Variants in TOMM6 observed in about 807,000 individuals in gnomAD.
The protein encoded by TOMM6 is mitochondrial import receptor subunit TOM6 homolog.
TOMM6 carries 6 observed loss-of-function variants against 6.0 expected under a neutral mutation model. That is an observed-to-expected ratio of 1.00 (90% CI 0.55 to 1.98). The LOEUF (loss-of-function observed/expected upper bound fraction) is 1.98. TOMM6 is among the 30% of genes most tolerant of loss of function. TOMM6 has a pLI of 0.00. For synonymous variants in TOMM6, 44 were observed against 36.3 expected (o/e 1.21, Z -0.76); for missense variants, 104 against 95.3 (o/e 1.09, Z -0.38).
rs998495229 is a variant in TOMM6, at chr6:41,789,194, A to G, written c.129-38A>G. 12 of 1,527,324 alleles carry G rather than the reference A, an allele frequency of 7.9e-6. No homozygotes were observed. The Admixed American group carries it at 2.4e-4, about 30-fold the overall frequency. The allele number at this position is 1,527,324 out of a possible 1,614,324, so 94.6% of individuals were successfully genotyped here. Reference sequence around the variant, plus strand: ...ATTTCGTTAACTGTACAACTGACTCAGTGACCACAGGGTTAATAAAACACA... The same window carrying G: ...ATTTCGTTAACTGTACAACTGACTCGGTGACCACAGGGTTAATAAAACACA... On this transcript the variant is annotated intron_variant, in intron 1 of 2. Coordinates refer to ENST00000398881, the MANE Select transcript of TOMM6 (RefSeq NM_001382294.1).
At chr6:41,787,846 T>C (rs1772704549) in intron 1 of TOMM6, 21 bp downstream of exon 1, 1 of 1,551,436 alleles carries the variant, frequency 6.4e-7, no homozygotes, top group Non-Finnish European at 8.7e-7. Flanking sequence ...CCGAGGAACT[T>C]GGTCCTTTTC....
At chr6:41,789,141 T>A (rs1772746415) in intron 1 of TOMM6, 91 bp from the exon 2 acceptor site, 1 of 1,169,560 alleles carries the variant, frequency 8.6e-7, no homozygotes, top group Non-Finnish European at 1.2e-6. Context: ...CTCGGGAAGG[T>A]GGTGATGGAA....
chr6:41,788,193 G>A (rs1300906400), intron 1 of TOMM6, among the ~76,000 whole-genome samples: 2 of 143,636 alleles, frequency 1.4e-5, no homozygotes, highest in Non-Finnish European at 3.0e-5. Flanking sequence ...TGCCCAGGCT[G>A]GAGTGCAGTG....
Position 41,789,752 on chromosome 6 carries a change from G to A in TOMM6, c.*193G>A. 1 of 195,742 alleles carries A rather than the reference G, an allele frequency of 5.1e-6. No homozygotes were observed. Among genetic ancestry groups the A allele is most frequent in the East Asian group, 1.2e-4 (1 of 8,606 alleles). 12.1% of individuals were successfully genotyped at this position (195,742 alleles called of 1,614,324 possible). ...AATTCCATTCTCTGGTCAGCAGACA[G>A]GCTTAAGCTAAAGTATTGCCTCTAT... is the stretch of plus-strand genomic sequence containing the variant. On this transcript the variant is annotated 3_prime_UTR_variant, in exon 3 of 3. Coordinates refer to ENST00000398881, the MANE Select transcript of TOMM6 (RefSeq NM_001382294.1).
At chr6:41,789,407 A>G in intron 2 of TOMM6, 71 bp downstream of exon 2, 1 of 1,107,588 alleles carries the variant, frequency 9.0e-7, no homozygotes, top group African/African-American at 1.6e-5. Flanking sequence ...TTTTCTGTCA[A>G]GTATTCATGA....
chr6:41,787,906 G>T, intron 1 of TOMM6, 81 bp downstream of exon 1: 1 of 1,511,664 alleles, frequency 6.6e-7, no homozygotes, highest in Non-Finnish European at 8.9e-7. Context: ...GCGCCTCAGG[G>T]TTTTTTGTTT....
At position 41,789,357 on chromosome 6, in the gene TOMM6, A is replaced by G. The variant is rs1272787533; in HGVS notation, c.*8+21A>G. On this transcript the variant is annotated intron_variant, in intron 2 of 2. Coordinates refer to ENST00000398881, the MANE Select transcript of TOMM6 (RefSeq NM_001382294.1). The stretch of plus-strand genomic sequence containing the variant: ...AGTAGGTAAGCACTGAACTACACCC[A>G]TGCGTGTCTTAGGAGACCTAGAGAC... 3.3e-6 allele frequency: 5 copies of G among 1,513,996 alleles called. No individual in the cohort carries two copies. In the East Asian group the frequency reaches 7.4e-5, roughly 22 times the overall value. The allele number at this position is 1,513,996 out of a possible 1,614,324, so 93.8% of individuals were successfully genotyped here.
In TOMM6 at chr6:41,787,718, G is replaced by T. The variant is rs1772698343; in HGVS notation, c.21G>T (p.Pro7=). Residue 7 remains proline, a synonymous_variant, in exon 1 of 3, where the codon CCG becomes CCT. Transcript: ENST00000398881. MASSTV[P]VSAAGSANET... ...CCACTATGGCTTCCAGCACTGTCCC[G>T]GTGAGCGCTGCTGGCTCGGCTAATG... The T allele has an allele frequency of 6.4e-7, 1 of 1,551,584 alleles. No individual in the cohort carries two copies. The highest frequency in any genetic ancestry group is 8.7e-7 in the Non-Finnish European group (1 of 1,146,996).
chr6:41,789,047 C>T (rs1772744184), intron 1 of TOMM6, among the ~76,000 whole-genome samples, 185 bp from the exon 2 acceptor site: 2 of 152,186 alleles, frequency 1.3e-5, no homozygotes, highest in South Asian at 4.1e-4. Flanking sequence ...CCCAGCCTGA[C>T]CTTACACTTA....
chr6:41,789,351 A>G lies in TOMM6; in HGVS notation c.*8+15A>G. On this transcript the variant is annotated intron_variant, in intron 2 of 2. Coordinates refer to ENST00000398881, the MANE Select transcript of TOMM6 (RefSeq NM_001382294.1). ...TAGCCAAGTAGGTAAGCACTGAACTACACCCATGCGTGTCTTAGGAGACCT... is the reference window on the plus strand; with the variant it reads ...TAGCCAAGTAGGTAAGCACTGAACTGCACCCATGCGTGTCTTAGGAGACCT... 6.5e-7 allele frequency: 1 copy of G among 1,533,038 alleles called. No homozygotes were observed. Among genetic ancestry groups the G allele is most frequent in the Non-Finnish European group, 8.9e-7 (1 of 1,129,858 alleles). The allele number at this position is 1,533,038 out of a possible 1,614,324, so 95.0% of individuals were successfully genotyped here. A position where few individuals can be genotyped will look rare whatever the true frequency, so the allele number is the denominator to read the frequency against.
chr6:41,787,762 A>G lies in TOMM6; in HGVS notation c.65A>G (p.Asp22Gly). 1 of 1,551,706 alleles carries G rather than the reference A, an allele frequency of 6.4e-7. No individual in the cohort carries two copies. The highest frequency in any genetic ancestry group is 8.7e-7 in the Non-Finnish European group (1 of 1,146,996). Residue 22 changes from aspartate to glycine, a missense_variant, in exon 1 of 3, where the codon GAC becomes GGC. Physicochemically the swap from Asp to Gly is moderately conservative, Grantham distance 94. Transcript: ENST00000398881. ...GCTAATGAAACTCCCGAAATACCGG[A>G]CAACGTGGGAGATTGGCTTCGGGGC... Reference protein sequence around the residue: ...GSANETPEIPDNVGDWLRGVY... With the variant: ...GSANETPEIPGNVGDWLRGVY...
Position 41,789,321 on chromosome 6 carries a change from G to A in TOMM6, c.218G>A (p.Gly73Glu), listed in dbSNP as rs1429837057. The A allele has an allele frequency of 4.5e-6, 7 of 1,551,518 alleles. No homozygotes were observed. The highest frequency in any genetic ancestry group is 2.4e-5 in the East Asian group (1 of 40,930). ...ATTGACCTCATGGCACCTCAGCCAGGGGTGTAGCCAAGTAGGTAAGCACTG... is the reference window on the plus strand; with the variant it reads ...ATTGACCTCATGGCACCTCAGCCAGAGGTGTAGCCAAGTAGGTAAGCACTG... ...SDIDLMAPQP[G>E]V Residue 73 changes from glycine to glutamate, a missense_variant, in exon 2 of 3, where the codon GGG (glycine) becomes GAG (glutamate). Physicochemically the swap from Gly to Glu is moderately conservative, Grantham distance 98. Transcript: ENST00000398881.
chr6:41,788,783 G>A (rs1193225810), intron 1 of TOMM6, among the ~76,000 whole-genome samples: 2 of 143,840 alleles, frequency 1.4e-5, no homozygotes, highest in African/African-American at 2.6e-5. Flanking sequence ...GCCTCGCTCT[G>A]TCGCCCAGGC....
chr6:41,787,871 G>C, intron 1 of TOMM6, 46 bp downstream of exon 1: 2 of 1,538,944 alleles, frequency 1.3e-6, no homozygotes, highest in Non-Finnish European at 1.8e-6. Flanking sequence ...CCTTAAATCC[G>C]TATTTCCCCT....
In TOMM6 at chr6:41,787,728, G is replaced by C; in HGVS notation, c.31G>C (p.Ala11Pro). The change falls in exon 1 of 3, where the codon GCT (alanine) becomes CCT (proline). Residue 11 changes from alanine (A) to proline (P), a missense_variant. Transcript: ENST00000398881. The stretch of plus-strand genomic sequence containing the variant: ...TTCCAGCACTGTCCCGGTGAGCGCT[G>C]CTGGCTCGGCTAATGAAACTCCCGA... MASSTVPVSAAGSANETPEIP... is the reference protein window; with the variant it reads MASSTVPVSAPGSANETPEIP... The C allele has an allele frequency of 5.2e-6, 8 of 1,551,694 alleles. No individual in the cohort carries two copies. The highest frequency in any genetic ancestry group is 7.0e-6 in the Non-Finnish European group (8 of 1,146,988).
chr6:41,788,368 T>G (rs1449369014), intron 1 of TOMM6, among the ~76,000 whole-genome samples: 1 of 144,964 alleles, frequency 6.9e-6, no homozygotes, highest in African/African-American at 2.6e-5. Flanking sequence ...ATGGTCTCGA[T>G]CTCCTGACCT....
chr6:41,787,907 T>G (rs1772706807), intron 1 of TOMM6, 82 bp downstream of exon 1: 1 of 1,509,524 alleles, frequency 6.6e-7, no homozygotes, highest in African/African-American at 1.4e-5. Context: ...CGCCTCAGGG[T>G]TTTTTGTTTT....
intron 1 of TOMM6, 130 bp downstream of exon 1, chr6:41,787,955 G>T (rs1772708093): frequency 7.6e-7 from 1 of 1,317,454 alleles, no homozygotes; most frequent in Non-Finnish European, 1.0e-6. Context: ...CGTCTTCGTA[G>T]CTCTGGCTGT....
chr6:41,787,717 C>G lies in TOMM6; in HGVS notation c.20C>G (p.Pro7Arg), dbSNP rs1245336243. The change falls in exon 1 of 3, where the codon CCG (proline) becomes CGG (arginine). Residue 7 changes from proline to arginine, a missense_variant. By Grantham distance (103) the Pro-to-Arg change is moderately radical. Transcript: ENST00000398881. ...TCCACTATGGCTTCCAGCACTGTCCCGGTGAGCGCTGCTGGCTCGGCTAAT... is the reference window on the plus strand; with the variant it reads ...TCCACTATGGCTTCCAGCACTGTCCGGGTGAGCGCTGCTGGCTCGGCTAAT... MASSTV[P>R]VSAAGSANET... The G allele has an allele frequency of 6.4e-6, 10 of 1,551,712 alleles. No homozygotes were observed. The highest frequency in any genetic ancestry group is 1.4e-5 in the African/African-American group (1 of 73,172).
Sources: allele counts gnomAD v4.1 joint callset (sites outside exome capture counted in the v4.1 genomes callset), GRCh38; gene constraint gnomAD v4.1.1; transcripts MANE v1.5; gene names NCBI Gene and HGNC (gene_info 2026-07-23, HGNC 2026-07-21).